The following RBFOX3 variants were observed in gnomAD, a reference collection of about 807,000 sequenced individuals.
RBFOX3 encodes the protein RNA binding fox-1 homolog 3.
In RBFOX3, 17 loss-of-function variants were observed where a neutral mutation model predicts 48.7. That is an observed-to-expected ratio of 0.35 (90% CI 0.24 to 0.52). RBFOX3 has a LOEUF of 0.52. Among genes scored for constraint, RBFOX3 ranks in the 20% least tolerant of loss-of-function variants. RBFOX3 has a pLI of 0.94. For synonymous variants in RBFOX3, 212 were observed against 209.5 expected, an observed-to-expected ratio of 1.01 and a Z score of -0.10; for missense variants, 382 against 497.5, an observed-to-expected ratio of 0.77 and a Z score of 2.21.
the RBFOX3 span, among the ~76,000 whole-genome samples, chr17:79,657,616 T>C: frequency 6.6e-6 from 1 of 152,144 alleles, no homozygotes; most frequent in East Asian, 1.9e-4. Context: ...GAGGCAGAGG[T>C]TGCAGTGAGC....
At chr17:79,215,575 G>C (rs1049394121) in intron 4 of RBFOX3, among the ~76,000 whole-genome samples, 5 of 152,226 alleles carry the variant, frequency 3.3e-5, no homozygotes, top group Non-Finnish European at 5.9e-5. Flanking sequence ...GGAGCTCACA[G>C]TCAGCTGGTG....
intron 2 of RBFOX3, among the ~76,000 whole-genome samples, chr17:79,468,316 G>C (rs1394529694): frequency 1.3e-5 from 2 of 152,184 alleles, no homozygotes; most frequent in Admixed American, 1.3e-4. Flanking sequence ...AGATGGATAG[G>C]CAGATGGATA....
intron 2 of RBFOX3, among the ~76,000 whole-genome samples, chr17:79,339,213 C>T (rs2081657615): frequency 6.6e-6 from 1 of 152,094 alleles, no homozygotes; most frequent in African/African-American, 2.4e-5. Flanking sequence ...CACCACCACA[C>T]TCGGATAATT....
At chr17:79,470,191 C>T (rs1171819720) in intron 2 of RBFOX3, among the ~76,000 whole-genome samples, 1 of 152,190 alleles carries the variant, frequency 6.6e-6, no homozygotes, top group Non-Finnish European at 1.5e-5. Context: ...TAGTTGTGTG[C>T]TTCAATATCA....
chr17:79,466,317 G>A (rs982579765), intron 2 of RBFOX3, among the ~76,000 whole-genome samples: 1 of 152,232 alleles, frequency 6.6e-6, no homozygotes, highest in Non-Finnish European at 1.5e-5. Flanking sequence ...AGAGTCCTGG[G>A]GGGCGGGGGG....
intron 4 of RBFOX3, among the ~76,000 whole-genome samples, chr17:79,144,357 C>T (rs1444273628): frequency 6.8e-6 from 1 of 147,204 alleles, no homozygotes; most frequent in Non-Finnish European, 1.5e-5. Flanking sequence ...GTGGGGTGGG[C>T]AGAGTAGGCG....
At chr17:79,533,218 T>C (rs940937593) in intron 1 of RBFOX3, among the ~76,000 whole-genome samples, 6 of 152,208 alleles carry the variant, frequency 3.9e-5, no homozygotes, top group Non-Finnish European at 8.8e-5. Context: ...CTCTGCCCTG[T>C]GTTTCCCTGG....
At chr17:79,301,199 G>A (rs527587165) in intron 3 of RBFOX3, among the ~76,000 whole-genome samples, 1 of 152,296 alleles carries the variant, frequency 6.6e-6, no homozygotes, top group East Asian at 1.9e-4. Context: ...TTTAATGTAT[G>A]GGACTTTCTG....
At chr17:79,211,551 C>T (rs538989593) in intron 4 of RBFOX3, among the ~76,000 whole-genome samples, 42 of 152,294 alleles carry the variant, frequency 2.8e-4, no homozygotes, top group Non-Finnish European at 3.7e-4. Context: ...GGATAGGGGC[C>T]GTGTCGCTGC....
At chr17:79,615,434 G>A (rs1249933999), upstream of RBFOX3, among the ~76,000 whole-genome samples, 2 of 152,038 alleles carry the variant, frequency 1.3e-5, no homozygotes, top group South Asian at 4.1e-4. Flanking sequence ...GAGGAGGGAG[G>A]GCAGGAGGGC....
chr17:79,589,394 G>A (rs1247901861), intron 1 of RBFOX3, among the ~76,000 whole-genome samples: 3 of 152,022 alleles, frequency 2.0e-5, no homozygotes, highest in Non-Finnish European at 4.4e-5. Flanking sequence ...CCACATCACC[G>A]TCCCCTGTTT....
rs368955005 is a variant in RBFOX3, at chr17:79,477,140, G to C, written c.-175+5314C>G. On this transcript the variant is annotated intron_variant, in intron 2 of 14. Transcript: ENST00000693108. This position sits in a 1 kb window ranked among gnomAD's most constrained non-coding sequence, Gnocchi z 4.8. ...CCCAGTTACTCGGGAAGCTGAGGCA[G>C]GAGAATCTCTTAAACCCAGGAGGTA... Among the ~76,000 whole-genome samples, 4,533 of 151,424 alleles carry C rather than the reference G, an allele frequency of 0.03. 90 individuals carry two copies. Among genetic ancestry groups the C allele is most frequent in the Non-Finnish European group, 0.042 (2,882 of 67,908 alleles).
At chr17:79,296,308 CA>C (rs1485956545) in intron 3 of RBFOX3, among the ~76,000 whole-genome samples, 1,753 of 82,092 alleles carry the variant, frequency 0.021, 33 homozygotes, top group African/African-American at 0.084. Flanking sequence ...ACACACACCA[CA>C]CACACACACA....
intron 1 of RBFOX3, among the ~76,000 whole-genome samples, chr17:79,574,678 C>T (rs1431068566): frequency 3.9e-5 from 6 of 152,192 alleles, no homozygotes; most frequent in African/African-American, 7.2e-5. Flanking sequence ...TGCCGCTGCT[C>T]CGCCTATGGA....
chr17:79,332,434 G>A (rs2015056), intron 2 of RBFOX3, among the ~76,000 whole-genome samples: 114,189 of 151,900 alleles, frequency 0.75, 43,311 homozygotes, highest in East Asian at 0.99. Context: ...TGCTGGAGAG[G>A]AGGCAGGCTC....
intron 2 of RBFOX3, among the ~76,000 whole-genome samples, chr17:79,373,695 A>G (rs981451987): frequency 2.0e-5 from 3 of 151,800 alleles, no homozygotes; most frequent in Non-Finnish European, 4.4e-5. Flanking sequence ...TTTCTCCTGG[A>G]CAGAGCTCCC....
chr17:79,661,936 C>G, the RBFOX3 span, among the ~76,000 whole-genome samples: 1 of 152,038 alleles, frequency 6.6e-6, no homozygotes, highest in East Asian at 1.9e-4. Context: ...TTGGTCCTTG[C>G]CTTTTTGCTC....
intron 12 of RBFOX3, among the ~76,000 whole-genome samples, chr17:79,096,251 G>A (rs2075233502): frequency 6.6e-6 from 1 of 152,148 alleles, no homozygotes; most frequent in Non-Finnish European, 1.5e-5. Context: ...GTAGGCCCTG[G>A]AGCACAGGCA....
intron 4 of RBFOX3, among the ~76,000 whole-genome samples, chr17:79,152,214 A>G (rs927345775): frequency 5.3e-5 from 8 of 152,208 alleles, no homozygotes; most frequent in African/African-American, 1.9e-4. Context: ...GCAGGGTCTC[A>G]AGCCATGTCC....
Sources: allele counts gnomAD v4.1 joint callset (sites outside exome capture counted in the v4.1 genomes callset), GRCh38; gene constraint gnomAD v4.1.1; non-coding constraint Gnocchi (gnomAD v3.1); transcripts MANE v1.5; gene names NCBI Gene and HGNC (gene_info 2026-07-23, HGNC 2026-07-21).